PCDHA6: variants seen among roughly 807,000 people sequenced by gnomAD.
PCDHA6 encodes protocadherin alpha 6.
Under a neutral mutation model 60.3 loss-of-function variants are expected in PCDHA6, and 55 were observed. The observed-to-expected ratio is 0.91, with a 90% CI of 0.73 to 1.14. The LOEUF (loss-of-function observed/expected upper bound fraction) is 1.14, where lower values mean the gene tolerates loss of function less well. Ranked by LOEUF, PCDHA6 falls within the 50% of genes most tolerant of loss-of-function variation. The probability of loss-of-function intolerance (pLI) is 0.00; values close to 1 mark genes in which losing one functional copy is unlikely to be tolerated. For missense variants in PCDHA6, 1,327 were observed against 1,256.5 expected, an observed-to-expected ratio of 1.06 and a Z score of -0.85; for synonymous variants, 652 against 557.9, an observed-to-expected ratio of 1.17 and a Z score of -2.38.
chr5:140,952,444 A>C (rs2094747203), intron 1 of PCDHA6, among the ~76,000 whole-genome samples: 2 of 152,178 alleles, frequency 1.3e-5, no homozygotes. Flanking sequence ...GGCATAATAC[A>C]GCCAGGCTCT....
intron 1 of PCDHA6, chr5:140,836,792 G>T (rs2150269946): frequency 7.1e-7 from 1 of 1,416,460 alleles, no homozygotes; most frequent in Non-Finnish European, 9.6e-7. Context: ...AGTTCAATTG[G>T]TCTCCTTAAA....
At chr5:140,992,187 G>C (rs1395618041) in intron 3 of PCDHA6, among the ~76,000 whole-genome samples, 1 of 152,118 alleles carries the variant, frequency 6.6e-6, no homozygotes, top group Non-Finnish European at 1.5e-5. Flanking sequence ...CATGCTTTCA[G>C]TGATCTATCC....
chr5:140,871,271 C>T (rs1369255733), intron 1 of PCDHA6: 1 of 1,613,830 alleles, frequency 6.2e-7, no homozygotes, highest in African/African-American at 1.3e-5. Context: ...CTGTGGTGGT[C>T]GGCAACGCCC....
chr5:140,842,093 G>A lies in PCDHA6; in HGVS notation c.2394+11608G>A, dbSNP rs145495287. On this transcript the variant is annotated intron_variant, in intron 1 of 3. Coordinates refer to ENST00000529310, the MANE Select transcript of PCDHA6 (RefSeq NM_018909.4). ...AAGAATATTCGAAAACGCAGACAAC[G>A]GAACAACAGTTATCAAACTGAATGC... The A allele has an allele frequency of 1.2e-5, 20 of 1,613,732 alleles. No homozygotes were observed. In the African/African-American group the frequency reaches 2.4e-4, roughly 19 times the overall value.
intron 1 of PCDHA6, among the ~76,000 whole-genome samples, chr5:140,908,084 T>G (rs2073791096): frequency 6.6e-6 from 1 of 152,202 alleles, no homozygotes; most frequent in Non-Finnish European, 1.5e-5. Context: ...CACAACCAGG[T>G]GCACTGATTG....
intron 1 of PCDHA6, chr5:140,842,219 G>C: frequency 1.9e-6 from 3 of 1,613,252 alleles, no homozygotes; most frequent in Non-Finnish European, 2.5e-6. Context: ...TCGAAATACG[G>C]GAGAAATAGT....
chr5:141,005,701 CAAAAAAAAAAAAAAAA>C (rs59860837), intron 3 of PCDHA6, among the ~76,000 whole-genome samples: 5 of 7,786 alleles, frequency 6.4e-4, no homozygotes, highest in African/African-American at 1.9e-3. Context: ...AACTCCGTCT[CAAAAAAAAAAAAAAAA>C]AAAAAAAAAA....
intron 1 of PCDHA6, chr5:140,967,750 C>G (rs782284231): frequency 6.2e-7 from 1 of 1,614,190 alleles, no homozygotes; most frequent in South Asian, 1.1e-5. Flanking sequence ...ATGAGGAAGC[C>G]TCCTCCTACC....
chr5:140,924,712 T>C (rs1481544117), intron 1 of PCDHA6, among the ~76,000 whole-genome samples: 1 of 151,870 alleles, frequency 6.6e-6, no homozygotes, highest in African/African-American at 2.4e-5. Context: ...TTGTGCAACA[T>C]GGCGAAACCT....
At chr5:140,869,590 G>GAAGA in intron 1 of PCDHA6, 3 of 1,614,102 alleles carry the variant, frequency 1.9e-6, no homozygotes, top group Non-Finnish European at 2.5e-6. Context: ...TGCTGACATT[G>GAAGA]AAGAGAATGC....
At chr5:140,854,512 G>A (rs1265756710) in intron 1 of PCDHA6, 2 of 149,810 alleles carry the variant, frequency 1.3e-5, no homozygotes, top group Admixed American at 6.7e-5. Context: ...TAAACTGATG[G>A]ATTAAGTGAC....
At chr5:140,832,788 A>C (rs1330713880) in intron 1 of PCDHA6, among the ~76,000 whole-genome samples, 1 of 152,194 alleles carries the variant, frequency 6.6e-6, no homozygotes, top group Non-Finnish European at 1.5e-5. Context: ...AGAAAGGTAC[A>C]TCATAGTGTT....
intron 1 of PCDHA6, chr5:140,834,486 G>A: frequency 6.2e-7 from 1 of 1,614,160 alleles, no homozygotes; most frequent in Non-Finnish European, 8.5e-7. Context: ...CCACTACTCG[G>A]TCCCCGAGGA....
At chr5:140,839,353 G>A (rs1421791877) in intron 1 of PCDHA6, among the ~76,000 whole-genome samples, 1 of 144,986 alleles carries the variant, frequency 6.9e-6, no homozygotes, top group Non-Finnish European at 1.5e-5. Context: ...ATCCTCCTTA[G>A]CCACCTAAGC....
At chr5:140,954,807 T>TGAAAATGCTTTAGGCACTTTTGTC (rs2095090008) in intron 1 of PCDHA6, among the ~76,000 whole-genome samples, 1 of 152,248 alleles carries the variant, frequency 6.6e-6, no homozygotes, top group Admixed American at 6.5e-5. Flanking sequence ...TTGCTTTTGT[T>TGAAAATGCTTTAGGCACTTTTGTC]GAAATTGCTT....
intron 1 of PCDHA6, among the ~76,000 whole-genome samples, chr5:140,975,776 A>G (rs1554237009): frequency 1.3e-5 from 2 of 152,152 alleles, no homozygotes; most frequent in African/African-American, 2.4e-5. Flanking sequence ...AGATAATACC[A>G]TTACAAGATA....
rs534304787 is a variant in PCDHA6, at chr5:140,885,393, TA to T, written c.2394+54910del. Among the ~76,000 whole-genome samples the T allele has an allele frequency of 3.1e-3, 468 of 152,312 alleles. 3 individuals carry two copies. Among genetic ancestry groups the T allele is most frequent in the Middle Eastern group, 0.014 (4 of 294 alleles). The stretch of plus-strand genomic sequence containing the variant: ...TACCTTTTGGCAGTCCCTGCAAATC[TA>T]ATGGTTTTAATAGCTGTGTAGTATT... On this transcript the variant is annotated intron_variant, in intron 1 of 3. Transcript: ENST00000529310.
At chr5:140,832,649 A>C (rs2150203199) in intron 1 of PCDHA6, among the ~76,000 whole-genome samples, 147 of 152,206 alleles carry the variant, frequency 9.7e-4, no homozygotes, top group Non-Finnish European at 2.0e-3. Flanking sequence ...GGTCTTTAAG[A>C]GTATCACACT....
chr5:140,981,185 T>C (rs2096921770), intron 2 of PCDHA6, among the ~76,000 whole-genome samples: 1 of 152,224 alleles, frequency 6.6e-6, no homozygotes. Flanking sequence ...TAGTTCAAGT[T>C]TGCCTGCTCT....
Sources: gnomAD v4.1 joint callset for allele counts (sites outside exome capture counted in the v4.1 genomes callset) on GRCh38, gnomAD v4.1.1 for gene constraint, MANE v1.5 for transcripts, NCBI Gene and HGNC (gene_info 2026-07-23, HGNC 2026-07-21) for gene names.